LINGO2: variants seen among roughly 807,000 people sequenced by gnomAD.
LINGO2 encodes leucine-rich repeat and immunoglobulin-like domain-containing nogo receptor-interacting protein 2.
A neutral mutation model predicts 30.6 loss-of-function variants in LINGO2; 14 were observed. The observed-to-expected ratio is 0.46, with a 90% CI of 0.30 to 0.72. The LOEUF (loss-of-function observed/expected upper bound fraction) is 0.72. LINGO2 is among the 30% of genes least tolerant of loss of function. The pLI, the probability that LINGO2 is intolerant of heterozygous loss-of-function variation, is 0.07. For missense variants in LINGO2, 729 were observed against 751.7 expected (o/e 0.97, Z 0.35); for synonymous variants, 317 against 288.5 (o/e 1.10, Z -1.00).
intron 5 of LINGO2, among the ~76,000 whole-genome samples, chr9:27,973,983 T>G (rs867187444): frequency 6.6e-6 from 1 of 152,132 alleles, no homozygotes; most frequent in African/African-American, 2.4e-5. Context: ...TCTCTTCTAC[T>G]CAAGAGTACA....
At chr9:29,021,676 AAAAG>A in the LINGO2 span, among the ~76,000 whole-genome samples, 5,037 of 118,108 alleles carry the variant, frequency 0.043, 215 homozygotes, top group South Asian at 0.068. Flanking sequence ...AAGAAGAAAG[AAAAG>A]AAAGGAAGGA....
rs974980350 is a variant in LINGO2, at chr9:28,442,964, C to T, written c.-279+32976G>A. 2.5e-5 allele frequency among the ~76,000 whole-genome samples: 3 copies of T among 122,338 alleles called. No homozygotes were observed. The East Asian group carries it at 1.2e-3, about 50-fold the overall frequency. 80.3% of individuals were successfully genotyped at this position (122,338 alleles called of 152,430 possible). A position where few individuals can be genotyped will look rare whatever the true frequency, so the allele number is the denominator to read the frequency against. ...ATATACTCAATATTAAAAATATTAC[C>T]CCAACATTGTTTTTTTATCCCACAA... On this transcript the variant is annotated intron_variant, in intron 2 of 5. Transcript: ENST00000379992.
At chr9:28,852,814 T>A in the LINGO2 span, among the ~76,000 whole-genome samples, 1 of 152,044 alleles carries the variant, frequency 6.6e-6, no homozygotes, top group Non-Finnish European at 1.5e-5. Flanking sequence ...TGCCTAACTT[T>A]TCCTATAAAA....
chr9:29,055,585 G>A, the LINGO2 span, among the ~76,000 whole-genome samples: 2 of 151,994 alleles, frequency 1.3e-5, no homozygotes, highest in South Asian at 2.1e-4. Flanking sequence ...ATTTGAATAG[G>A]TTTTGGGGGA....
At chr9:28,806,268 A>AT in the LINGO2 span, among the ~76,000 whole-genome samples, 1 of 152,250 alleles carries the variant, frequency 6.6e-6, no homozygotes, top group Non-Finnish European at 1.5e-5. Flanking sequence ...ATGATCTGGC[A>AT]GCATTTAAAA....
At position 28,662,336 on chromosome 9, in the gene LINGO2, C is replaced by G. The variant is rs147056884; in HGVS notation, c.-365+7864G>C. Among the ~76,000 whole-genome samples the G allele has an allele frequency of 2.5e-3, 384 of 152,228 alleles. 5 individuals are homozygous for G. The highest frequency in any genetic ancestry group is 0.012 in the Admixed American group (186 of 15,290). ...GTGGCACAATTATTTAGGCTACAAG[C>G]AAAGGGAATTGATGCTTTTTTATTA... On this transcript the variant is annotated intron_variant, in intron 1 of 5. Transcript: ENST00000379992.
At chr9:28,353,464 C>T (rs1339827640) in intron 3 of LINGO2, among the ~76,000 whole-genome samples, 3 of 151,868 alleles carry the variant, frequency 2.0e-5, no homozygotes, top group Non-Finnish European at 4.4e-5. Context: ...TACCATCTCA[C>T]ACCAGTTAGA....
the LINGO2 span, among the ~76,000 whole-genome samples, chr9:28,865,903 G>C: frequency 1.3e-5 from 2 of 152,216 alleles, no homozygotes; most frequent in African/African-American, 4.8e-5. Context: ...AATAATAATA[G>C]TGAAATAATC....
chr9:28,970,196 G>A, the LINGO2 span, among the ~76,000 whole-genome samples: 10 of 152,102 alleles, frequency 6.6e-5, no homozygotes, highest in African/African-American at 1.9e-4. Context: ...GAGCAAAAGA[G>A]ATTGAAAAGA....
the LINGO2 span, among the ~76,000 whole-genome samples, chr9:29,109,380 A>G: frequency 2.6e-5 from 4 of 152,176 alleles, no homozygotes; most frequent in Admixed American, 2.6e-4. Flanking sequence ...AAAGAAGAAA[A>G]AATGATTTGC....
At chr9:28,710,587 G>C in the LINGO2 span, among the ~76,000 whole-genome samples, 2 of 151,796 alleles carry the variant, frequency 1.3e-5, no homozygotes, top group Non-Finnish European at 2.9e-5. Flanking sequence ...ACTTGTTCAG[G>C]GGTTAATAGA....
chr9:28,314,045 C>A (rs1007540589), intron 3 of LINGO2, among the ~76,000 whole-genome samples: 7 of 152,160 alleles, frequency 4.6e-5, no homozygotes, highest in Non-Finnish European at 7.3e-5. Flanking sequence ...CGCCATTCTC[C>A]TGCCTCAGCC....
intron 4 of LINGO2, among the ~76,000 whole-genome samples, chr9:28,204,318 G>C (rs1245609812): frequency 6.6e-6 from 1 of 151,912 alleles, no homozygotes; most frequent in Non-Finnish European, 1.5e-5. Flanking sequence ...AGTCTTTTGT[G>C]GAATGGATTA....
the LINGO2 span, among the ~76,000 whole-genome samples, chr9:29,204,303 A>G: frequency 6.6e-6 from 1 of 152,236 alleles, no homozygotes; most frequent in Non-Finnish European, 1.5e-5. Context: ...TATCTTTCAA[A>G]CTCATGGATA....
At chr9:27,948,094 G>A (rs1253877346) in exon 6 of LINGO2, 2 of 152,138 alleles carry the variant, frequency 1.3e-5, no homozygotes, top group African/African-American at 2.4e-5. Context: ...ATCAAAACTA[G>A]GCACATGCCT....
chr9:28,627,283 G>A (rs1339538810), intron 1 of LINGO2, among the ~76,000 whole-genome samples: 1 of 152,032 alleles, frequency 6.6e-6, no homozygotes, highest in East Asian at 1.9e-4. Flanking sequence ...AGCAGACTCA[G>A]TGATTATGTA....
the LINGO2 span, among the ~76,000 whole-genome samples, chr9:28,885,354 T>TACACACACAC: frequency 0.024 from 1,127 of 47,028 alleles, 16 homozygotes; most frequent in Non-Finnish European, 0.031. Context: ...GGGAGATATA[T>TACACACACAC]ATATATACAC....
chr9:28,934,252 A>C, the LINGO2 span, among the ~76,000 whole-genome samples: 1 of 152,232 alleles, frequency 6.6e-6, no homozygotes, highest in Non-Finnish European at 1.5e-5. Flanking sequence ...GCTATCTTTC[A>C]AGAGAACACT....
chr9:28,364,199 AAC>A (rs1169957022), intron 3 of LINGO2, among the ~76,000 whole-genome samples: 1 of 152,200 alleles, frequency 6.6e-6, no homozygotes, highest in Non-Finnish European at 1.5e-5. Flanking sequence ...GATTAGACAT[AAC>A]AGTTTGGTCT....
Sources: allele counts gnomAD v4.1 joint callset (sites outside exome capture counted in the v4.1 genomes callset), GRCh38; gene constraint gnomAD v4.1.1; transcripts MANE v1.5; gene names NCBI Gene and HGNC (gene_info 2026-07-23, HGNC 2026-07-21).